The following LYZL2 variants were observed in gnomAD, a reference collection of about 807,000 sequenced individuals.
LYZL2 encodes lysozyme like 2.
A neutral mutation model predicts 17.1 loss-of-function variants in LYZL2; 13 were observed. The ratio of observed to expected loss-of-function variants is 0.76; its 90% CI spans 0.49 to 1.21. The LOEUF is 1.21. Among genes scored for constraint, LYZL2 ranks in the 50% most tolerant of loss-of-function variants. LYZL2 has a pLI of 0.00. For synonymous variants in LYZL2, 63 were observed against 74.4 expected (o/e 0.85, Z 0.79); for missense variants, 166 against 189.2 (o/e 0.88, Z 0.72).
intron 3 of LYZL2, among the ~76,000 whole-genome samples, chr10:30,620,395 C>T (rs1402179426): frequency 2.6e-5 from 4 of 152,242 alleles, no homozygotes; most frequent in Non-Finnish European, 4.4e-5. Flanking sequence ...CCAATCTTCA[C>T]GAGCAGCCTG....
downstream of LYZL2, among the ~76,000 whole-genome samples, chr10:30,610,485 T>G (rs761862857): frequency 6.6e-6 from 1 of 151,710 alleles, no homozygotes; most frequent in Non-Finnish European, 1.5e-5. Flanking sequence ...TAAGTGGGAG[T>G]TGAACAATGA....
At chr10:30,614,296 C>T (rs1838494292) in intron 3 of LYZL2, among the ~76,000 whole-genome samples, 2 of 152,196 alleles carry the variant, frequency 1.3e-5, no homozygotes, top group African/African-American at 4.8e-5. Context: ...CGGAGATGTC[C>T]ATTTGTGACG....
chr10:30,616,204 GA>G (rs149874253), intron 3 of LYZL2, among the ~76,000 whole-genome samples: 1,740 of 152,244 alleles, frequency 0.011, 38 homozygotes, highest in African/African-American at 0.039. Flanking sequence ...CGTAGTGATA[GA>G]TTTTTTTTAA....
rs1014378650 is a variant in LYZL2, at chr10:30,618,658, C to A, written c.299-5758G>T. Among the ~76,000 whole-genome samples the A allele has an allele frequency of 2.0e-5, 3 of 152,098 alleles. No individual in the cohort carries two copies. In the East Asian group the frequency reaches 5.8e-4, roughly 29 times the overall value. Reference sequence around the variant, plus strand: ...CTGAAACTGGATCCCTTCCTTACACCTTATACAAAAATTAATTCAAGATGG... The same window carrying A: ...CTGAAACTGGATCCCTTCCTTACACATTATACAAAAATTAATTCAAGATGG... On this transcript the variant is annotated intron_variant, in intron 3 of 4. Coordinates refer to ENST00000647634, the MANE Select transcript of LYZL2 (RefSeq NM_183058.3).
chr10:30,624,778 G>A lies in LYZL2; in HGVS notation c.298+1327C>T, dbSNP rs535662117. ...TGGTCTTGAACTCCTGGCCTAAGGT[G>A]ACTCTCTGACTTCACTCTTGTACCT... On this transcript the variant is annotated intron_variant, in intron 3 of 4. Transcript: ENST00000647634. 3.3e-5 allele frequency among the ~76,000 whole-genome samples: 5 copies of A among 152,326 alleles called. No homozygotes were observed. The South Asian group carries it at 1.0e-3, about 32-fold the overall frequency.
At chr10:30,628,706 C>T (rs1432256114) in intron 1 of LYZL2, among the ~76,000 whole-genome samples, 1 of 152,162 alleles carries the variant, frequency 6.6e-6, no homozygotes, top group African/African-American at 2.4e-5. Flanking sequence ...TGGATTCCTG[C>T]ATTGAAAGGC....
At chr10:30,609,005 A>C (rs1473066167), downstream of LYZL2, among the ~76,000 whole-genome samples, 1 of 152,030 alleles carries the variant, frequency 6.6e-6, no homozygotes, top group African/African-American at 2.4e-5. Flanking sequence ...ACACGCAGCT[A>C]ATCTTTGTAT....
At chr10:30,626,290 A>G (rs1201824101) in intron 2 of LYZL2, 27 bp from the exon 3 acceptor site, 1 of 1,611,140 alleles carries the variant, frequency 6.2e-7, no homozygotes, top group South Asian at 1.1e-5. Context: ...CAGAAACGCC[A>G]GCAAAGGAGG....
chr10:30,628,966 A>G (rs1348347029), intron 1 of LYZL2, among the ~76,000 whole-genome samples: 1 of 152,196 alleles, frequency 6.6e-6, no homozygotes, highest in Non-Finnish European at 1.5e-5. Flanking sequence ...GGCAGAGTTG[A>G]GTAGCTGTGT....
At chr10:30,625,347 G>A (rs188019548) in intron 3 of LYZL2, among the ~76,000 whole-genome samples, 5 of 152,214 alleles carry the variant, frequency 3.3e-5, no homozygotes, top group Non-Finnish European at 5.9e-5. Flanking sequence ...GATTGGATTG[G>A]CTCCACCCAC....
At chr10:30,615,021 G>T (rs1399333484) in intron 3 of LYZL2, among the ~76,000 whole-genome samples, 1 of 152,194 alleles carries the variant, frequency 6.6e-6, no homozygotes, top group Non-Finnish European at 1.5e-5. Context: ...TTAATAATAT[G>T]GAGAAATGCT....
At chr10:30,624,438 G>A (rs548876565) in intron 3 of LYZL2, among the ~76,000 whole-genome samples, 6 of 152,306 alleles carry the variant, frequency 3.9e-5, no homozygotes, top group Admixed American at 2.6e-4. Flanking sequence ...CTCAGTGCTG[G>A]TCAAAGCTCT....
At chr10:30,623,567 T>A (rs1463297195) in intron 3 of LYZL2, among the ~76,000 whole-genome samples, 1 of 152,154 alleles carries the variant, frequency 6.6e-6, no homozygotes, top group African/African-American at 2.4e-5. Flanking sequence ...TAGATTCTTA[T>A]ATAGGTGTGA....
At chr10:30,610,819 T>C (rs551285693), downstream of LYZL2, among the ~76,000 whole-genome samples, 41 of 152,242 alleles carry the variant, frequency 2.7e-4, no homozygotes, top group Admixed American at 1.0e-3. Flanking sequence ...ACTTGGAAAA[T>C]GCCGAATGCA....
chr10:30,612,520 T>C (rs370586490), intron 4 of LYZL2, among the ~76,000 whole-genome samples: 5 of 152,236 alleles, frequency 3.3e-5, no homozygotes, highest in African/African-American at 1.2e-4. Context: ...CTCTGGTGAA[T>C]TGACTCAATT....
At chr10:30,606,386 C>G in the LYZL2 span, among the ~76,000 whole-genome samples, 2 of 123,368 alleles carry the variant, frequency 1.6e-5, no homozygotes, top group East Asian at 4.4e-4. Flanking sequence ...TAGGGTCTTT[C>G]TCTGGTGCCC....
intron 1 of LYZL2, among the ~76,000 whole-genome samples, chr10:30,627,956 A>C (rs576124769): frequency 6.6e-6 from 1 of 152,190 alleles, no homozygotes; most frequent in African/African-American, 2.4e-5. Flanking sequence ...TCAGGAGATC[A>C]AGACCATCCT....
chr10:30,627,882 A>G (rs188211495), intron 1 of LYZL2, among the ~76,000 whole-genome samples: 482 of 152,338 alleles, frequency 3.2e-3, no homozygotes, highest in Non-Finnish European at 5.0e-3. Flanking sequence ...CGTCTAGGCC[A>G]GGCGCGGTGG....
chr10:30,618,825 T>C (rs1257429928), intron 3 of LYZL2, among the ~76,000 whole-genome samples: 1 of 152,038 alleles, frequency 6.6e-6, no homozygotes, highest in Non-Finnish European at 1.5e-5. Flanking sequence ...AATTGACAAA[T>C]GGGATCTAAT....
Sources: gnomAD v4.1 joint callset for allele counts (sites outside exome capture counted in the v4.1 genomes callset) on GRCh38, gnomAD v4.1.1 for gene constraint, MANE v1.5 for transcripts, NCBI Gene and HGNC (gene_info 2026-07-23, HGNC 2026-07-21) for gene names.